Variants in KAZN observed in about 807,000 individuals in gnomAD.
The protein encoded by KAZN is kazrin, periplakin interacting protein.
In KAZN, 40 loss-of-function variants were observed where a neutral mutation model predicts 87.4. The observed-to-expected ratio is 0.46, with a 90% confidence interval of 0.36 to 0.60. The LOEUF is 0.60. KAZN is among the 20% of genes least tolerant of loss of function. The pLI, the probability that KAZN is intolerant of heterozygous loss-of-function variation, is 0.00. For missense variants in KAZN, 898 were observed against 1,073.9 expected (o/e 0.84, Z 2.29); for synonymous variants, 466 against 458.3 (o/e 1.02, Z -0.22).
At chr1:14,105,555 T>C (rs1046120295) in intron 1 of KAZN, among the ~76,000 whole-genome samples, 1 of 152,158 alleles carries the variant, frequency 6.6e-6, no homozygotes. Context: ...AACCTATTAG[T>C]TTTAGAAGAA....
intron 1 of KAZN, among the ~76,000 whole-genome samples, chr1:14,660,804 G>A (rs1055864243): frequency 6.6e-5 from 10 of 152,090 alleles, no homozygotes; most frequent in African/African-American, 2.2e-4. Context: ...GGCCAATGAC[G>A]AACAGAAAGT....
intron 1 of KAZN, among the ~76,000 whole-genome samples, chr1:14,761,997 A>C (rs1644753568): frequency 6.6e-6 from 1 of 151,962 alleles, no homozygotes; most frequent in South Asian, 2.1e-4. Flanking sequence ...TCCTGCAGCA[A>C]GGCAAACCTC....
intron 2 of KAZN, among the ~76,000 whole-genome samples, chr1:14,282,800 C>T (rs1415256286): frequency 6.6e-6 from 1 of 152,200 alleles, no homozygotes; most frequent in Admixed American, 6.5e-5. Flanking sequence ...TGCCTTGACA[C>T]TGGCAACCAC....
At chr1:14,643,638 A>G (rs1235262875) in intron 1 of KAZN, among the ~76,000 whole-genome samples, 1 of 152,200 alleles carries the variant, frequency 6.6e-6, no homozygotes, top group African/African-American at 2.4e-5. Flanking sequence ...ATTTGCGTGC[A>G]TGTATCTTTA....
At chr1:14,960,590 C>G in intron 1 of KAZN, 94 bp from the exon 2 acceptor site, 5 of 1,375,804 alleles carry the variant, frequency 3.6e-6, no homozygotes, top group Non-Finnish European at 4.9e-6. Flanking sequence ...GCAGAGCAAA[C>G]AAAAAAGCCA....
chr1:14,585,973 G>A (rs1416623631), intron 2 of KAZN, among the ~76,000 whole-genome samples: 1 of 152,158 alleles, frequency 6.6e-6, no homozygotes, highest in African/African-American at 2.4e-5. Context: ...AAAGAAACCA[G>A]GTCCCTCCTG....
At chr1:14,040,912 T>G (rs1041447898) in intron 1 of KAZN, among the ~76,000 whole-genome samples, 1 of 152,150 alleles carries the variant, frequency 6.6e-6, no homozygotes, top group East Asian at 1.9e-4. Context: ...AACATTAAAT[T>G]ACATTTTTAA....
In KAZN at chr1:14,759,946, C is replaced by T. The variant is rs111970787; in HGVS notation, c.226+160723C>T. Among the ~76,000 whole-genome samples the T allele has an allele frequency of 6.2e-3, 944 of 152,198 alleles. 7 individuals are homozygous for T. Among genetic ancestry groups the T allele is most frequent in the African/African-American group, 0.021 (861 of 41,526 alleles). ...GACTCTCCCTTTGCCTCCCGGCCTC[C>T]GAGAACTTAAGTACCTGGGAATTAA... On this transcript the variant is annotated intron_variant, in intron 1 of 14. Transcript: ENST00000376030.
chr1:14,632,403 C>T (rs1041435306), intron 1 of KAZN, among the ~76,000 whole-genome samples: 5 of 152,054 alleles, frequency 3.3e-5, no homozygotes, highest in African/African-American at 1.2e-4. Context: ...GTCAACATGT[C>T]AACATCAGAA....
In KAZN at chr1:14,996,423, T is replaced by C. The variant is rs1667865714; in HGVS notation, c.418+35548T>C. Among the ~76,000 whole-genome samples, 1 of 152,116 alleles carries C rather than the reference T, an allele frequency of 6.6e-6. No homozygotes were observed. Among genetic ancestry groups the C allele is most frequent in the Non-Finnish European group, 1.5e-5 (1 of 68,006 alleles). On this transcript the variant is annotated intron_variant, in intron 2 of 14. Coordinates refer to ENST00000376030, the MANE Select transcript of KAZN (RefSeq NM_201628.3). The surrounding 1 kb of genome is among the most constrained non-coding windows in gnomAD (Gnocchi z 5.9). ...CTCAGAGGCAGGGACTGTGACTTAGTCATCACTGTATCATCAGACCCGGCA... is the reference window on the plus strand; with the variant it reads ...CTCAGAGGCAGGGACTGTGACTTAGCCATCACTGTATCATCAGACCCGGCA...
chr1:14,156,910 G>GTTTTTTTTTTTTTTTTTTT, intron 1 of KAZN, among the ~76,000 whole-genome samples: 1 of 122,472 alleles, frequency 8.2e-6, no homozygotes, highest in Non-Finnish European at 1.8e-5. Flanking sequence ...GTGGTCTTTT[G>GTTTTTTTTTTTTTTTTTTT]TTTTTTTTTT....
chr1:14,299,795 C>T (rs955726642), intron 2 of KAZN, among the ~76,000 whole-genome samples: 1 of 152,200 alleles, frequency 6.6e-6, no homozygotes, highest in African/African-American at 2.4e-5. Flanking sequence ...CTGCTCACAT[C>T]ACATTTACTA....
Position 15,060,313 on chromosome 1 carries a change from C to A in KAZN, c.1047+11C>A, listed in dbSNP as rs201419213. 1.2e-6 allele frequency: 2 copies of A among 1,614,070 alleles called. No individual in the cohort carries two copies. The highest frequency in any genetic ancestry group is 1.7e-5 in the Admixed American group (1 of 60,034). ...CACTCCCTCTGCAACGTAAGGCCAG[C>A]AGCAGCGGGGCCTGGGCCCCTGGGC... On this transcript the variant is annotated intron_variant, in intron 6 of 14. Transcript: ENST00000376030.
chr1:14,315,178 C>T (rs1300835049), intron 2 of KAZN, among the ~76,000 whole-genome samples: 1 of 151,964 alleles, frequency 6.6e-6, no homozygotes, highest in East Asian at 1.9e-4. Context: ...ATTTTATTCC[C>T]TTGTTCTTTA....
intron 1 of KAZN, among the ~76,000 whole-genome samples, chr1:13,940,064 A>C (rs1640872776): frequency 6.6e-6 from 1 of 152,148 alleles, no homozygotes; most frequent in South Asian, 2.1e-4. Flanking sequence ...CAACATCCAA[A>C]CTAAATCAGG....
At chr1:14,600,424 G>T (rs1019287362) in intron 1 of KAZN, among the ~76,000 whole-genome samples, 5 of 152,116 alleles carry the variant, frequency 3.3e-5, no homozygotes, top group African/African-American at 1.2e-4. Flanking sequence ...TTTGAGGTGA[G>T]ATGTGAAGCC....
intron 1 of KAZN, among the ~76,000 whole-genome samples, chr1:14,935,707 T>C (rs1321528620): frequency 6.6e-6 from 1 of 152,144 alleles, no homozygotes; most frequent in Non-Finnish European, 1.5e-5. Flanking sequence ...CTTCTCCCTG[T>C]ACCCTGGCCT....
At chr1:14,360,051 T>C (rs1270346582) in intron 2 of KAZN, among the ~76,000 whole-genome samples, 1 of 152,184 alleles carries the variant, frequency 6.6e-6, no homozygotes, top group African/African-American at 2.4e-5. Flanking sequence ...CTTGGTTCCA[T>C]TCTCCCCTTC....
intron 1 of KAZN, among the ~76,000 whole-genome samples, chr1:14,667,674 C>T (rs1011654113): frequency 3.9e-5 from 6 of 152,086 alleles, no homozygotes; most frequent in Non-Finnish European, 8.8e-5. Flanking sequence ...GAAGGGGCAT[C>T]CCAGTGGGAA....
Sources: allele counts gnomAD v4.1 joint callset (sites outside exome capture counted in the v4.1 genomes callset), GRCh38; gene constraint gnomAD v4.1.1; non-coding constraint Gnocchi (gnomAD v3.1); transcripts MANE v1.5; gene names NCBI Gene and HGNC (gene_info 2026-07-23, HGNC 2026-07-21).